PTPRG: variants seen among roughly 807,000 people sequenced by gnomAD.
PTPRG encodes protein tyrosine phosphatase receptor type G.
In PTPRG, 102 loss-of-function variants were observed where a neutral mutation model predicts 165.3. The observed-to-expected ratio is 0.62, with a 90% confidence interval of 0.53 to 0.73. The LOEUF is 0.73. PTPRG is among the 30% of genes least tolerant of loss of function. PTPRG has a pLI of 0.00. For missense variants in PTPRG, 1,866 were observed against 1,861.4 expected, an observed-to-expected ratio of 1.00 and a Z score of -0.05; for synonymous variants, 675 against 669.5, an observed-to-expected ratio of 1.01 and a Z score of -0.13.
intron 7 of PTPRG, among the ~76,000 whole-genome samples, chr3:62,163,378 C>A (rs1225929558): frequency 5.3e-5 from 8 of 152,156 alleles, no homozygotes; most frequent in Non-Finnish European, 7.3e-5. Flanking sequence ...TGAGAGAAAG[C>A]ACATACCAGT....
chr3:62,050,684 G>A lies in PTPRG; in HGVS notation c.520-27479G>A, dbSNP rs544416919. On this transcript the variant is annotated intron_variant, in intron 4 of 29. Coordinates refer to ENST00000474889, the MANE Select transcript of PTPRG (RefSeq NM_002841.4). ...TCCCAATCTAGCTGAAGAAAAATGC[G>A]AGAATTTAGTGACTAACATAACTGC... Among the ~76,000 whole-genome samples, 3 of 152,312 alleles carry A rather than the reference G, an allele frequency of 2.0e-5. No homozygotes were observed. In the East Asian group the frequency reaches 5.8e-4, roughly 29 times the overall value.
At chr3:61,858,240 T>G (rs2107391481) in intron 2 of PTPRG, among the ~76,000 whole-genome samples, 1 of 152,306 alleles carries the variant, frequency 6.6e-6, no homozygotes, top group Non-Finnish European at 1.5e-5. Flanking sequence ...CAGAAGTACA[T>G]TTTACAACAA....
At chr3:61,968,054 A>G (rs1166655663) in intron 2 of PTPRG, among the ~76,000 whole-genome samples, 1 of 152,226 alleles carries the variant, frequency 6.6e-6, no homozygotes, top group African/African-American at 2.4e-5. Flanking sequence ...TTGAGAAAGA[A>G]GAGAGAAATT....
intron 4 of PTPRG, among the ~76,000 whole-genome samples, chr3:62,027,368 G>A (rs1357962063): frequency 1.3e-5 from 2 of 151,918 alleles, no homozygotes; most frequent in African/African-American, 2.4e-5. Context: ...TCTGATCCTG[G>A]TCATAGAAGG....
chr3:61,651,298 CTT>C (rs1329707325), intron 1 of PTPRG, among the ~76,000 whole-genome samples: 2 of 151,810 alleles, frequency 1.3e-5, no homozygotes, highest in African/African-American at 4.8e-5. Flanking sequence ...CAGAGGTAAT[CTT>C]ATCCCTTTGG....
intron 5 of PTPRG, among the ~76,000 whole-genome samples, chr3:62,109,823 T>A (rs1290945795): frequency 1.3e-5 from 2 of 152,160 alleles, no homozygotes; most frequent in Non-Finnish European, 2.9e-5. Flanking sequence ...TGCTTTCTGG[T>A]AAATTTTTCC....
At chr3:61,578,906 T>G (rs1296111382) in intron 1 of PTPRG, among the ~76,000 whole-genome samples, 2 of 152,174 alleles carry the variant, frequency 1.3e-5, no homozygotes, top group Non-Finnish European at 2.9e-5. Context: ...TTGGTGCAGG[T>G]GATAAGAATC....
At chr3:61,993,349 C>G (rs1457840690) in intron 3 of PTPRG, among the ~76,000 whole-genome samples, 1 of 152,068 alleles carries the variant, frequency 6.6e-6, no homozygotes, top group African/African-American at 2.4e-5. Context: ...TCCTGAGTAG[C>G]TGGGATTACA....
At chr3:61,908,061 T>C (rs916733780) in intron 2 of PTPRG, among the ~76,000 whole-genome samples, 1 of 141,438 alleles carries the variant, frequency 7.1e-6, no homozygotes, top group Non-Finnish European at 1.5e-5. Flanking sequence ...TTCGAGGCTA[T>C]AGTGAGTTAT....
At position 61,878,638 on chromosome 3, in the gene PTPRG, C is replaced by T. The variant is rs183548429; in HGVS notation, c.191-110987C>T. On this transcript the variant is annotated intron_variant, in intron 2 of 29. Coordinates refer to ENST00000474889, the MANE Select transcript of PTPRG (RefSeq NM_002841.4). ...TCTCCCAAGTAACTGGGACTACAGG[C>T]GTGTGCTACCATGCCTGGCTAAGCT... 1.9e-3 allele frequency among the ~76,000 whole-genome samples: 292 copies of T among 152,200 alleles called. 1 individual carries two copies. The highest frequency in any genetic ancestry group is 3.1e-3 in the Non-Finnish European group (209 of 68,010).
At chr3:62,174,724 T>C (rs1559603890) in intron 8 of PTPRG, among the ~76,000 whole-genome samples, 1 of 152,234 alleles carries the variant, frequency 6.6e-6, no homozygotes, top group Non-Finnish European at 1.5e-5. Context: ...CTATTTTCAG[T>C]TTAATCATTT....
chr3:61,768,727 G>A (rs1447776584), intron 2 of PTPRG, among the ~76,000 whole-genome samples: 2 of 152,140 alleles, frequency 1.3e-5, no homozygotes, highest in African/African-American at 2.4e-5. Context: ...GCACTTAGAC[G>A]TCCGATTAGA....
chr3:61,577,636 C>T (rs1030577506), intron 1 of PTPRG, among the ~76,000 whole-genome samples: 3 of 152,142 alleles, frequency 2.0e-5, no homozygotes, highest in Admixed American at 2.0e-4. Context: ...CATGTGACTA[C>T]CATAAAATTT....
chr3:61,733,437 T>G (rs183840170), intron 1 of PTPRG, among the ~76,000 whole-genome samples: 1 of 151,580 alleles, frequency 6.6e-6, no homozygotes, highest in Admixed American at 6.6e-5. Flanking sequence ...GATTGCCTGG[T>G]TTTTAAAATG....
chr3:62,160,370 AT>A (rs1267327620), intron 7 of PTPRG, among the ~76,000 whole-genome samples: 1 of 152,240 alleles, frequency 6.6e-6, no homozygotes, highest in Admixed American at 6.5e-5. Context: ...GATAATCTAG[AT>A]TAAAATACAG....
intron 4 of PTPRG, among the ~76,000 whole-genome samples, chr3:62,018,564 A>G (rs2041607297): frequency 6.6e-6 from 1 of 152,238 alleles, no homozygotes; most frequent in East Asian, 1.9e-4. Context: ...CTGAAATTCC[A>G]TTATTTGAGT....
chr3:62,049,103 GT>G (rs1316057668), intron 4 of PTPRG, among the ~76,000 whole-genome samples: 9 of 146,590 alleles, frequency 6.1e-5, no homozygotes, highest in African/African-American at 2.2e-4. Flanking sequence ...ATCCTAAAAA[GT>G]AAAAACAAAA....
intron 2 of PTPRG, among the ~76,000 whole-genome samples, chr3:61,841,476 A>G (rs2036631122): frequency 1.3e-5 from 2 of 152,242 alleles, no homozygotes; most frequent in Non-Finnish European, 2.9e-5. Context: ...CTAATGGGGC[A>G]TTGAACTAAC....
At chr3:61,952,292 TTTGC>T in intron 2 of PTPRG, among the ~76,000 whole-genome samples, 1 of 152,210 alleles carries the variant, frequency 6.6e-6, no homozygotes, top group Middle Eastern at 3.4e-3. Context: ...TGGGGGCAAT[TTTGC>T]TTTAAGCAGT....
Sources: allele counts gnomAD v4.1 joint callset (sites outside exome capture counted in the v4.1 genomes callset), GRCh38; gene constraint gnomAD v4.1.1; transcripts MANE v1.5; gene names NCBI Gene and HGNC (gene_info 2026-07-23, HGNC 2026-07-21).